BMP7: variants seen among roughly 807,000 people sequenced by gnomAD.
BMP7 encodes bone morphogenetic protein 7, also known as osteogenic protein 1.
In BMP7, 12 loss-of-function variants were observed where a neutral mutation model predicts 41.2. The ratio of observed to expected loss-of-function variants is 0.29; its 90% confidence interval spans 0.19 to 0.47. The LOEUF is 0.47. Ranked by LOEUF, BMP7 falls within the 20% of genes least tolerant of loss-of-function variation. The pLI is 0.99. For synonymous variants in BMP7, 248 were observed against 250.0 expected, an observed-to-expected ratio of 0.99 and a Z score of 0.07; for missense variants, 467 against 606.0, an observed-to-expected ratio of 0.77 and a Z score of 2.41.
At chr20:57,206,294 G>C (rs1017458024) in intron 2 of BMP7, among the ~76,000 whole-genome samples, 2 of 152,142 alleles carry the variant, frequency 1.3e-5, no homozygotes, top group Non-Finnish European at 2.9e-5. Flanking sequence ...GAGAATCTCG[G>C]TGCTTTCCAC....
chr20:57,178,690 C>T (rs1485044957), intron 4 of BMP7, among the ~76,000 whole-genome samples: 1 of 152,146 alleles, frequency 6.6e-6, no homozygotes, highest in African/African-American at 2.4e-5. Flanking sequence ...GAGCCTCCTC[C>T]CTCTTCCCTG....
intron 1 of BMP7, among the ~76,000 whole-genome samples, chr20:57,250,846 G>A (rs993422637): frequency 6.6e-6 from 1 of 152,158 alleles, no homozygotes; most frequent in Non-Finnish European, 1.5e-5. Flanking sequence ...TAGTATAACA[G>A]GATTCGTCAA....
intron 1 of BMP7, among the ~76,000 whole-genome samples, chr20:57,240,136 G>C (rs1490898031): frequency 6.6e-6 from 1 of 152,134 alleles, no homozygotes; most frequent in Non-Finnish European, 1.5e-5. Context: ...GAACTTTTAT[G>C]CTTTGTTTCC....
At chr20:57,245,014 T>C (rs145587150) in intron 1 of BMP7, among the ~76,000 whole-genome samples, 1 of 152,200 alleles carries the variant, frequency 6.6e-6, no homozygotes, top group Non-Finnish European at 1.5e-5. Flanking sequence ...CTGCCTTTCC[T>C]CCATGCCCAG....
intron 1 of BMP7, among the ~76,000 whole-genome samples, chr20:57,250,185 C>T (rs994065586): frequency 6.6e-6 from 1 of 151,904 alleles, no homozygotes; most frequent in Non-Finnish European, 1.5e-5. Flanking sequence ...AATCCCAGCA[C>T]TTTGGGAGGC....
chr20:57,176,867 A>T (rs1193989951), intron 4 of BMP7, among the ~76,000 whole-genome samples: 1 of 152,096 alleles, frequency 6.6e-6, no homozygotes. Context: ...AAAGAGTGGA[A>T]CACCACTCAA....
Position 57,183,838 on chromosome 20 carries a change from A to T in BMP7, c.842T>A (p.Phe281Tyr). 6.2e-7 allele frequency: 1 copy of T among 1,614,150 alleles called. No individual in the cohort carries two copies. The highest frequency in any genetic ancestry group is 8.5e-7 in the Non-Finnish European group (1 of 1,180,026). Residue 281 changes from phenylalanine (F) to tyrosine (Y), a missense_variant, in exon 4 of 7, where the codon TTC becomes TAC. Physicochemically the swap from Phe to Tyr is conservative, Grantham distance 22. Around this residue, in one of 2 missense-constraint regions of BMP7, gnomAD observed 407 missense variants for 485.9 expected, o/e 0.84. Coordinates refer to ENST00000395863, the MANE Select transcript of BMP7 (RefSeq NM_001719.3). The part of the protein sequence containing the change: ...QNKQPFMVAF[F>Y]KATEVHFRSI... ...GCGGAAGTGGACCTCCGTGGCCTTG[A>T]AGAAAGCCACCATGAAGGGCTGCTT...
chr20:57,212,076 G>C (rs1387569854), intron 2 of BMP7, among the ~76,000 whole-genome samples: 1 of 152,192 alleles, frequency 6.6e-6, no homozygotes. Context: ...CCAGAGGCTG[G>C]GCGTGCGTAG....
intron 2 of BMP7, among the ~76,000 whole-genome samples, chr20:57,221,626 A>G (rs1985191666): frequency 6.6e-6 from 1 of 152,124 alleles, no homozygotes; most frequent in African/African-American, 2.4e-5. Flanking sequence ...CAGCCTGGAC[A>G]ACACAGTGAG....
At position 57,224,378 on chromosome 20, in the gene BMP7, G is replaced by A. The variant is rs114869773; in HGVS notation, c.611+3851C>T. On this transcript the variant is annotated intron_variant, in intron 2 of 6. Transcript: ENST00000395863. This position sits in a 1 kb window ranked among gnomAD's most constrained non-coding sequence, Gnocchi z 4.8. ...AGATTCTGCTGCCCTGGCTGGCCTT[G>A]GCCTCCCAGGGAGGTTCTCAGAGGC... Among the ~76,000 whole-genome samples, 997 of 152,310 alleles carry A rather than the reference G, an allele frequency of 6.5e-3. 9 individuals are homozygous for A. The highest frequency in any genetic ancestry group is 0.023 in the African/African-American group (939 of 41,578).
chr20:57,256,937 C>A (rs1210283558), intron 1 of BMP7, among the ~76,000 whole-genome samples: 1 of 151,966 alleles, frequency 6.6e-6, no homozygotes, highest in African/African-American at 2.4e-5. Flanking sequence ...TAGTTAGGAT[C>A]ATTTGTACTT....
chr20:57,173,615 G>A (rs915944583), intron 5 of BMP7: 3 of 503,198 alleles, frequency 6.0e-6, no homozygotes, highest in Non-Finnish European at 1.1e-5. Context: ...CCCAGCCTGG[G>A]TGACAGAGCA....
intron 3 of BMP7, among the ~76,000 whole-genome samples, chr20:57,194,319 A>T (rs1198577363): frequency 6.6e-6 from 1 of 152,202 alleles, no homozygotes; most frequent in Non-Finnish European, 1.5e-5. Context: ...TACAGCCTGC[A>T]GGCCATATCC....
chr20:57,170,771 T>A lies in BMP7; in HGVS notation c.*188A>T. The A allele has an allele frequency of 2.8e-6, 2 of 722,122 alleles. No homozygotes were observed. Among genetic ancestry groups the A allele is most frequent in the Non-Finnish European group, 4.6e-6 (2 of 433,494 alleles). 44.7% of individuals were successfully genotyped at this position (722,122 alleles called of 1,614,324 possible). On this transcript the variant is annotated 3_prime_UTR_variant, in exon 7 of 7. Transcript: ENST00000395863. ...AGCTTGTAGGATCTTGTTCATTGGA[T>A]GCTGCCACTGAAAAACTGATCAAAA...
In BMP7 at chr20:57,174,364, C is replaced by G. The variant is rs1983875190; in HGVS notation, c.1035+567G>C. The stretch of plus-strand genomic sequence containing the variant: ...CTGCTGAATGAGAATCACACCAGAG[C>G]TCACGGCAGGTGGATCACATGACCC... On this transcript the variant is annotated intron_variant, in intron 5 of 6. Coordinates refer to ENST00000395863, the MANE Select transcript of BMP7 (RefSeq NM_001719.3). This position sits in a 1 kb window ranked among gnomAD's most constrained non-coding sequence, Gnocchi z 4.3. 6.6e-6 allele frequency among the ~76,000 whole-genome samples: 1 copy of G among 152,206 alleles called. No homozygotes were observed. Among genetic ancestry groups the G allele is most frequent in the Non-Finnish European group, 1.5e-5 (1 of 68,044 alleles).
At position 57,266,204 on chromosome 20, in the gene BMP7, G is replaced by T; in HGVS notation, c.-82C>A. On this transcript the variant is annotated 5_prime_UTR_variant, in exon 1 of 7. Coordinates refer to ENST00000395863, the MANE Select transcript of BMP7 (RefSeq NM_001719.3). ...TGGCAGAGGGGGCAGGCGGCCGTCC[G>T]CGCCGCTCGGTCACTTGCTGCAGAC... 1 of 1,339,164 alleles carries T rather than the reference G, an allele frequency of 7.5e-7. No individual in the cohort carries two copies. Among genetic ancestry groups the T allele is most frequent in the Non-Finnish European group, 9.6e-7 (1 of 1,040,708 alleles). 83.0% of individuals were successfully genotyped at this position (1,339,164 alleles called of 1,614,324 possible).
intron 1 of BMP7, 130 bp downstream of exon 1, chr20:57,265,575 C>T: frequency 1.4e-6 from 2 of 1,423,734 alleles, no homozygotes; most frequent in East Asian, 5.0e-5. Context: ...GTGGGAGACC[C>T]TCGGGCAGGC....
At chr20:57,200,370 C>T (rs1043614828) in intron 3 of BMP7, among the ~76,000 whole-genome samples, 1 of 152,198 alleles carries the variant, frequency 6.6e-6, no homozygotes, top group Non-Finnish European at 1.5e-5. Flanking sequence ...GGCAGCACTG[C>T]CTCCACCAAT....
intron 3 of BMP7, among the ~76,000 whole-genome samples, chr20:57,194,804 C>G (rs1481109120): frequency 2.0e-5 from 3 of 152,170 alleles, no homozygotes; most frequent in African/African-American, 7.2e-5. Flanking sequence ...ACCGGGGACC[C>G]AATGCTAGGG....
Sources: allele counts gnomAD v4.1 joint callset (sites outside exome capture counted in the v4.1 genomes callset), GRCh38; gene constraint gnomAD v4.1.1; regional missense constraint gnomAD v4.1.1; non-coding constraint Gnocchi (gnomAD v3.1); transcripts MANE v1.5; gene names NCBI Gene and HGNC (gene_info 2026-07-23, HGNC 2026-07-21).